Variants in ATRX observed in about 807,000 individuals in gnomAD.
ATRX encodes chromatin remodeler ATRX.
A neutral mutation model predicts 172.6 loss-of-function variants in ATRX; 12 were observed. The ratio of observed to expected loss-of-function variants is 0.07; its 90% CI spans 0.04 to 0.11. ATRX has a LOEUF of 0.11. ATRX is among the 10% of genes least tolerant of loss of function. ATRX has a pLI of 1.00. For missense variants in ATRX, 1,368 were observed against 1,767.4 expected, an observed-to-expected ratio of 0.77 and a Z score of 4.05; for synonymous variants, 674 against 594.7, an observed-to-expected ratio of 1.13 and a Z score of -1.94.
At chrX:77,763,781 T>G (rs781788269) in intron 1 of ATRX, among the ~76,000 whole-genome samples, 1 of 111,398 alleles carries the variant, frequency 9.0e-6, no homozygotes, top group South Asian at 3.8e-4. Flanking sequence ...GTTATACTAT[T>G]TTCTTATTTC....
intron 30 of ATRX, among the ~76,000 whole-genome samples, chrX:77,538,961 C>T (rs1024710958): frequency 7.6e-5 from 8 of 104,618 alleles, no homozygotes; most frequent in African/African-American, 2.5e-4. Context: ...GTGGCGCAAT[C>T]GCAGCTCACT....
chrX:77,632,923 T>C (rs1024457637), intron 19 of ATRX, among the ~76,000 whole-genome samples: 1 of 112,150 alleles, frequency 8.9e-6, no homozygotes, highest in Non-Finnish European at 1.9e-5. Context: ...GCTGGAAGAA[T>C]CTTTGATTGC....
intron 22 of ATRX, among the ~76,000 whole-genome samples, chrX:77,606,931 A>AAC (rs1487441233): frequency 3.6e-5 from 4 of 111,933 alleles, no homozygotes; most frequent in African/African-American, 1.3e-4. Context: ...GATAATATTC[A>AAC]ACATCCCTTC....
Position 77,505,630 on chromosome X carries a change from T to C in ATRX, c.*2721A>G, listed in dbSNP as rs1222199604. Reference sequence around the variant, plus strand: ...AATGTGCAAAAGAACCACCATTATATAGGACAACAAAAGCTATACATTTTC... The same window carrying C: ...AATGTGCAAAAGAACCACCATTATACAGGACAACAAAAGCTATACATTTTC... On this transcript the variant is annotated 3_prime_UTR_variant, in exon 35 of 35. Coordinates refer to ENST00000373344, the MANE Select transcript of ATRX (RefSeq NM_000489.6). The C allele has an allele frequency of 2.9e-5, 5 of 171,960 alleles. No homozygotes were observed. Among genetic ancestry groups the C allele is most frequent in the African/African-American group, 1.5e-4 (5 of 33,791 alleles). The allele number at this position is 171,960 out of a possible 1,213,427, so 14.2% of individuals were successfully genotyped here.
At chrX:77,523,482 G>C (rs2147765052) in intron 30 of ATRX, 81 bp from the exon 31 acceptor site, 1 of 1,013,357 alleles carries the variant, frequency 9.9e-7, no homozygotes, top group East Asian at 3.1e-5. Context: ...ATGGTCAACT[G>C]TACTAGAAAC....
intron 19 of ATRX, among the ~76,000 whole-genome samples, chrX:77,629,862 G>A (rs1449650854): frequency 8.9e-6 from 1 of 111,835 alleles, no homozygotes; most frequent in Admixed American, 9.4e-5. Context: ...AGGGCAATTA[G>A]GCAAGAAAAA....
At chrX:77,757,950 T>C (rs1053079785) in intron 1 of ATRX, among the ~76,000 whole-genome samples, 5 of 110,432 alleles carry the variant, frequency 4.5e-5, no homozygotes, top group Admixed American at 9.7e-5. Context: ...TCTTTAAACA[T>C]GGGAACAGTG....
At chrX:77,785,600 C>A (rs1167228675) in intron 1 of ATRX, among the ~76,000 whole-genome samples, 1 of 95,542 alleles carries the variant, frequency 1.0e-5, no homozygotes, top group African/African-American at 3.9e-5. Context: ...GCTTCTTCCC[C>A]ACGCAGTTTC....
At chrX:77,521,277 T>C (rs111767325) in intron 33 of ATRX, 126 bp downstream of exon 33, 2 of 557,134 alleles carry the variant, frequency 3.6e-6, no homozygotes, top group Non-Finnish European at 6.0e-6. Flanking sequence ...ATCCATCCAT[T>C]TTACCAGTAT....
chrX:77,735,618 A>ATAAATAAG lies in ATRX; in HGVS notation c.21-18376_21-18375insCTTATTTA, dbSNP rs2045919761. ...AAAAACTAAATAAATAAATAAATAAATAAATAAATAAATAAATAAAAATAA... is the reference window on the plus strand; with the variant it reads ...AAAAACTAAATAAATAAATAAATAAATAAATAAGTAAATAAATAAATAAATAAAAATAA... On this transcript the variant is annotated intron_variant, in intron 1 of 34. Coordinates refer to ENST00000373344, the MANE Select transcript of ATRX (RefSeq NM_000489.6). 3.3e-5 allele frequency among the ~76,000 whole-genome samples: 3 copies of ATAAATAAG among 92,099 alleles called. No individual in the cohort carries two copies. The Admixed American group carries it at 3.8e-4, about 12-fold the overall frequency. The allele number at this position is 92,099 out of a possible 115,157, so 80.0% of individuals were successfully genotyped here.
Position 77,681,688 on chromosome X carries a change from T to G in ATRX, c.3568A>C (p.Arg1190=). Reference sequence around the variant, plus strand: ...GCTTGCTTCCTTTTAGTGCTTGTTCTTAGGGAGTTTCTCTTTTTCTCCTTG... The same window carrying G: ...GCTTGCTTCCTTTTAGTGCTTGTTCGTAGGGAGTTTCTCTTTTTCTCCTTG... ...IVKEKKRNSL[R]TSTKRKQADI... The change falls in exon 9 of 35, where the codon AGA becomes CGA. Residue 1190 remains arginine, a synonymous_variant. Coordinates refer to ENST00000373344, the MANE Select transcript of ATRX (RefSeq NM_000489.6). The G allele has an allele frequency of 2.5e-6, 3 of 1,208,960 alleles. No homozygotes were observed. Among genetic ancestry groups the G allele is most frequent in the Non-Finnish European group, 3.4e-6 (3 of 894,755 alleles).
At chrX:77,529,119 T>C (rs2063489087) in intron 30 of ATRX, among the ~76,000 whole-genome samples, 1 of 111,361 alleles carries the variant, frequency 9.0e-6, no homozygotes, top group East Asian at 2.8e-4. Context: ...GAAAAAAGAA[T>C]GAAAAGGAAT....
rs781870940 is a variant in ATRX at position 77,664,531 on chromosome X, G to A, written c.3943+114C>T. On this transcript the variant is annotated intron_variant, in intron 11 of 34. Transcript: ENST00000373344. ...CTCCCAAAGTCCTGAGATTATAGGC[G>A]TGAGCCACCACGCCGGGCCATATTA... 2.2e-5 allele frequency: 23 copies of A among 1,047,380 alleles called. No homozygotes were observed. In the East Asian group the frequency reaches 4.1e-4, roughly 19 times the overall value. 86.3% of individuals were successfully genotyped at this position (1,047,380 alleles called of 1,213,427 possible).
At position 77,681,860 on chromosome X, in the gene ATRX, T is replaced by G; in HGVS notation, c.3396A>C (p.Ile1132=). 1 of 1,206,184 alleles carries G rather than the reference T, an allele frequency of 8.3e-7. No individual in the cohort carries two copies. Among genetic ancestry groups the G allele is most frequent in the Non-Finnish European group, 1.1e-6 (1 of 892,808 alleles). The change falls in exon 9 of 35, where the codon ATA becomes ATC. Residue 1132 remains isoleucine (I), a synonymous_variant. Coordinates refer to ENST00000373344, the MANE Select transcript of ATRX (RefSeq NM_000489.6). ...CNSSDKRLKR[I]ELRERRNLSS... ...TTAAATTTCTTCTTTCCCTCAATTC[T>G]ATTCTTTTCAGTCTCTTATCAGAAG...
rs782398623 is a variant in ATRX at position 77,633,580 on chromosome X, C to T, written c.4942G>A (p.Asp1648Asn). The T allele has an allele frequency of 8.3e-7, 1 of 1,208,586 alleles. No individual in the cohort carries two copies. The highest frequency in any genetic ancestry group is 1.8e-5 in the South Asian group (1 of 56,185). Residue 1648 changes from aspartate to asparagine, a missense_variant, in exon 18 of 35, where the codon GAT becomes AAT. Physicochemically the swap from Asp to Asn is conservative, Grantham distance 23. Coordinates refer to ENST00000373344, the MANE Select transcript of ATRX (RefSeq NM_000489.6). ...FEKWQEGLKD[D>N]EKLEVSELAT... ...AAATAAGTTACCTCAAGCTTCTCAT[C>T]ATCTTTTAATCCCTCTTGCCACTTC...
At position 77,526,976 on chromosome X, in the gene ATRX, T is replaced by C. The variant is rs1343991482; in HGVS notation, c.6700-3575A>G. Among the ~76,000 whole-genome samples the C allele has an allele frequency of 2.7e-5, 3 of 112,648 alleles. No individual in the cohort carries two copies. In the East Asian group the frequency reaches 8.3e-4, roughly 31 times the overall value. On this transcript the variant is annotated intron_variant, in intron 30 of 34. Transcript: ENST00000373344. Reference sequence around the variant, plus strand: ...CAATGTAAGTCACAGGAAAAGTACATGTGAATTTGTTTGTTTTCTATCTTA... The same window carrying C: ...CAATGTAAGTCACAGGAAAAGTACACGTGAATTTGTTTGTTTTCTATCTTA...
chrX:77,742,828 G>C (rs1337536543), intron 1 of ATRX, among the ~76,000 whole-genome samples: 3 of 111,648 alleles, frequency 2.7e-5, no homozygotes, highest in Admixed American at 1.9e-4. Context: ...TTAATTTAGG[G>C]AATGACTGGA....
At chrX:77,644,342 G>T (rs1423015544) in intron 15 of ATRX, among the ~76,000 whole-genome samples, 1 of 112,493 alleles carries the variant, frequency 8.9e-6, no homozygotes, top group Non-Finnish European at 1.9e-5. Flanking sequence ...AAAAAATAAT[G>T]TGGGGGAGTC....
At chrX:77,512,485 T>C (rs2062902502) in intron 34 of ATRX, among the ~76,000 whole-genome samples, 1 of 112,928 alleles carries the variant, frequency 8.9e-6, no homozygotes, top group South Asian at 3.6e-4. Flanking sequence ...ATCAGTGTTA[T>C]CATCAGCTTA....
Sources: gnomAD v4.1 joint callset for allele counts (sites outside exome capture counted in the v4.1 genomes callset) on GRCh38, gnomAD v4.1.1 for gene constraint, MANE v1.5 for transcripts, NCBI Gene and HGNC (gene_info 2026-07-23, HGNC 2026-07-21) for gene names.